The following ABCB5 variants were observed in gnomAD, a reference collection of about 807,000 sequenced individuals.
ABCB5 encodes the protein ATP binding cassette subfamily B member 5, also known as ATP-binding cassette sub-family B member 5.
Under a neutral mutation model 144.2 loss-of-function variants are expected in ABCB5, and 155 were observed. The ratio of observed to expected loss-of-function variants is 1.08; its 90% CI spans 0.94 to 1.23. The LOEUF is 1.23. Ranked by LOEUF, ABCB5 falls within the 50% of genes most tolerant of loss-of-function variation. ABCB5 has a pLI of 0.00. For missense variants in ABCB5, 1,830 were observed against 1,520.8 expected (o/e 1.20, Z -3.38); for synonymous variants, 610 against 528.6 (o/e 1.15, Z -2.11).
chr7:20,630,134 G>C (rs1305257574), intron 4 of ABCB5, among the ~76,000 whole-genome samples: 1 of 152,054 alleles, frequency 6.6e-6, no homozygotes, highest in Non-Finnish European at 1.5e-5. Context: ...TGACTATGCA[G>C]TATTTTTTAT....
intron 11 of ABCB5, 76 bp from the exon 12 acceptor site, chr7:20,649,946 T>C (rs1325142085): frequency 2.7e-6 from 4 of 1,477,700 alleles, no homozygotes; most frequent in Non-Finnish European, 3.6e-6. Flanking sequence ...GTTATAATTA[T>C]GTACTCATTT....
Position 20,745,760 on chromosome 7 carries a change from A to C in ABCB5, c.3429+322A>C, listed in dbSNP as rs547137534. ...GCGGTAGCCTCTTCATCTGCCTTCCAGTCTTGCTCCTTTATCATTTTTCTT... is the reference window on the plus strand; with the variant it reads ...GCGGTAGCCTCTTCATCTGCCTTCCCGTCTTGCTCCTTTATCATTTTTCTT... On this transcript the variant is annotated intron_variant, in intron 26 of 27. Coordinates refer to ENST00000404938, the MANE Select transcript of ABCB5 (RefSeq NM_001163941.2). 4.6e-5 allele frequency among the ~76,000 whole-genome samples: 7 copies of C among 152,330 alleles called. No individual in the cohort carries two copies. In the South Asian group the frequency reaches 1.5e-3, roughly 32 times the overall value.
chr7:20,620,887 C>T (rs1363949385), intron 1 of ABCB5, among the ~76,000 whole-genome samples: 3 of 152,046 alleles, frequency 2.0e-5, no homozygotes, highest in Non-Finnish European at 4.4e-5. Flanking sequence ...AATTCTACAT[C>T]TAAGTATATA....
At chr7:20,729,114 T>A (rs1782130525) in intron 23 of ABCB5, among the ~76,000 whole-genome samples, 1 of 152,222 alleles carries the variant, frequency 6.6e-6, no homozygotes, top group Non-Finnish European at 1.5e-5. Flanking sequence ...TGATATATGT[T>A]AACACTGTGA....
intron 16 of ABCB5, among the ~76,000 whole-genome samples, chr7:20,688,544 T>C (rs909800083): frequency 2.0e-5 from 3 of 152,188 alleles, no homozygotes; most frequent in Admixed American, 2.0e-4. Flanking sequence ...GTTCAACCAT[T>C]GTGGAAGTCA....
At chr7:20,718,495 T>C (rs996110827) in intron 20 of ABCB5, among the ~76,000 whole-genome samples, 7 of 152,210 alleles carry the variant, frequency 4.6e-5, no homozygotes, top group Non-Finnish European at 7.3e-5. Flanking sequence ...TGTGTGTTTT[T>C]ACTTTTTTGA....
At chr7:20,739,726 T>C (rs1562587855) in intron 24 of ABCB5, among the ~76,000 whole-genome samples, 1 of 152,160 alleles carries the variant, frequency 6.6e-6, no homozygotes, top group South Asian at 2.1e-4. Context: ...TGTTTTTTTT[T>C]CTCTGATAAT....
chr7:20,651,428 G>A lies in ABCB5; in HGVS notation c.1341G>A (p.Val447=). 6.2e-7 allele frequency: 1 copy of A among 1,613,986 alleles called. No homozygotes were observed. The highest frequency in any genetic ancestry group is 8.5e-7 in the Non-Finnish European group (1 of 1,179,948). ...ATTCTTTGGATTGGCAGATCATGGT[G>A]GATGAGAATGACATCAGAGCTTTAA... ...LYDPDDGFIM[V]DENDIRALNV... is the part of the protein sequence containing the mutation. The change falls in exon 13 of 28, where the codon GTG becomes GTA. Residue 447 remains valine, a synonymous_variant. Coordinates refer to ENST00000404938, the MANE Select transcript of ABCB5 (RefSeq NM_001163941.2).
chr7:20,690,920 A>G (rs114442090), intron 16 of ABCB5, among the ~76,000 whole-genome samples: 1 of 152,190 alleles, frequency 6.6e-6, no homozygotes, highest in East Asian at 1.9e-4. Flanking sequence ...ACATAAAATT[A>G]GAGATTTTCA....
chr7:20,646,993 G>A (rs1286111036), intron 9 of ABCB5, among the ~76,000 whole-genome samples: 2 of 152,228 alleles, frequency 1.3e-5, no homozygotes, highest in Non-Finnish European at 2.9e-5. Context: ...AGGAGTAAGA[G>A]CTCCTAGCTT....
chr7:20,723,091 T>C lies in ABCB5; in HGVS notation c.2497T>C (p.Tyr833His), dbSNP rs751025520. ...ACTTTCAGTTATCATTTCCTTTATA[T>C]ATGGATGGGAGATGACATTCCTGAT... The part of the protein sequence containing the change: ...MGLSVIISFI[Y>H]GWEMTFLILS... The change falls in exon 21 of 28, where the codon TAT becomes CAT. Residue 833 changes from tyrosine to histidine, a missense_variant. Physicochemically the swap from Tyr to His is moderately conservative, Grantham distance 83. Transcript: ENST00000404938. 2 of 1,614,126 alleles carry C rather than the reference T, an allele frequency of 1.2e-6. No homozygotes were observed. Among genetic ancestry groups the C allele is most frequent in the Non-Finnish European group, 1.7e-6 (2 of 1,180,022 alleles).
At chr7:20,732,051 T>C (rs746739369) in intron 23 of ABCB5, among the ~76,000 whole-genome samples, 28 of 152,366 alleles carry the variant, frequency 1.8e-4, no homozygotes, top group Non-Finnish European at 2.5e-4. Flanking sequence ...TACCATGACC[T>C]GAAAGACCTT....
At chr7:20,711,867 TCCCTCCCTCCC>T (rs1787082444) in intron 20 of ABCB5, among the ~76,000 whole-genome samples, 1 of 31,856 alleles carries the variant, frequency 3.1e-5, no homozygotes, top group Non-Finnish European at 5.7e-5. Flanking sequence ...CTTTCCTTCC[TCCCTCCCTCCC>T]TCCCTCCCTC....
At position 20,664,101 on chromosome 7, in the gene ABCB5, A is replaced by G. The variant is rs544695196; in HGVS notation, c.1707+5425A>G. Among the ~76,000 whole-genome samples, 196 of 152,240 alleles carry G rather than the reference A, an allele frequency of 1.3e-3. 1 individual carries two copies. The highest frequency in any genetic ancestry group is 5.4e-4 in the Non-Finnish European group (37 of 68,008). On this transcript the variant is annotated intron_variant, in intron 14 of 27. Transcript: ENST00000404938. The stretch of plus-strand genomic sequence containing the variant: ...GAGTACAAAAGAACAGTGAAAAAAA[A>G]TTAATAAATAAAAGAATAGTGACAA...
chr7:20,668,778 C>A (rs1785331268), intron 14 of ABCB5, among the ~76,000 whole-genome samples: 19 of 137,196 alleles, frequency 1.4e-4, no homozygotes, highest in Admixed American at 1.2e-3. Context: ...AGGGGCGCCT[C>A]TGCCCGGCCG....
intron 14 of ABCB5, chr7:20,659,632 T>G (rs906466689): frequency 1.1e-5 from 11 of 988,776 alleles, no homozygotes; most frequent in Non-Finnish European, 1.2e-5. Context: ...CTTCGGCAAT[T>G]TGGTTCATCT....
intron 1 of ABCB5, 89 bp from the exon 2 acceptor site, chr7:20,623,176 T>G: frequency 2.6e-6 from 2 of 781,168 alleles, no homozygotes; most frequent in Non-Finnish European, 4.2e-6. Flanking sequence ...TTTCAAACTG[T>G]GAGAGATGTG....
At chr7:20,717,883 C>CTTTTTTTTTTTTTTTTTTTTTTTT (rs574592723) in intron 20 of ABCB5, among the ~76,000 whole-genome samples, 1 of 43,208 alleles carries the variant, frequency 2.3e-5, no homozygotes, top group Non-Finnish European at 4.7e-5. Flanking sequence ...TTGTAACATT[C>CTTTTTTTTTTTTTTTTTTTTTTTT]TTTTTTTTTT....
chr7:20,716,251 A>C (rs928230719), intron 20 of ABCB5, among the ~76,000 whole-genome samples: 2 of 152,330 alleles, frequency 1.3e-5, no homozygotes, highest in African/African-American at 4.8e-5. Context: ...AGTGGAAATT[A>C]ATACATGTAT....
Sources: gnomAD v4.1 joint callset for allele counts (sites outside exome capture counted in the v4.1 genomes callset) on GRCh38, gnomAD v4.1.1 for gene constraint, MANE v1.5 for transcripts, NCBI Gene and HGNC (gene_info 2026-07-23, HGNC 2026-07-21) for gene names.